Variants in AURKA observed in about 807,000 individuals in gnomAD.
AURKA encodes the protein aurora kinase A, also known as aurora 2.
AURKA carries 12 observed loss-of-function variants against 40.9 expected under a neutral mutation model. That is an observed-to-expected ratio of 0.29 (90% CI 0.19 to 0.48). The LOEUF (loss-of-function observed/expected upper bound fraction) is 0.48. AURKA is among the 20% of genes least tolerant of loss of function. The pLI is 0.99. For synonymous variants in AURKA, 170 were observed against 164.3 expected (o/e 1.03, Z -0.26); for missense variants, 322 against 462.1 (o/e 0.70, Z 2.78).
At chr20:56,386,161 C>T in intron 3 of AURKA, 96 bp downstream of exon 3, 1 of 1,529,836 alleles carries the variant, frequency 6.5e-7, no homozygotes, top group Non-Finnish European at 9.1e-7. Context: ...GATATAAAAG[C>T]TAAGGCTCCA....
chr20:56,382,880 G>C (rs6024841), intron 5 of AURKA, 105 bp downstream of exon 5: 18 of 1,256,964 alleles, frequency 1.4e-5, no homozygotes, highest in East Asian at 4.6e-5. Context: ...GCAGTGCCTC[G>C]TAAGAGGGAG....
intron 1 of AURKA, chr20:56,391,953 AAT>A (rs1987197191): frequency 8.1e-6 from 1 of 123,430 alleles, no homozygotes. Flanking sequence ...CTCTAGCTGT[AAT>A]AAGTAACAAG....
intron 6 of AURKA, among the ~76,000 whole-genome samples, chr20:56,379,432 G>A (rs1328625107): frequency 6.6e-6 from 1 of 152,178 alleles, no homozygotes; most frequent in Non-Finnish European, 1.5e-5. Context: ...TTAATGAAGA[G>A]ATAGATGGAT....
At chr20:56,370,708 A>C in intron 7 of AURKA, 49 bp from the exon 8 acceptor site, 1 of 1,601,472 alleles carries the variant, frequency 6.2e-7, no homozygotes, top group Non-Finnish European at 8.5e-7. Flanking sequence ...TTTTATGATC[A>C]CAACAGCTGC....
At chr20:56,384,844 C>T (rs1461703837) in intron 3 of AURKA, among the ~76,000 whole-genome samples, 1 of 152,206 alleles carries the variant, frequency 6.6e-6, no homozygotes, top group Non-Finnish European at 1.5e-5. Context: ...GCACAATGAA[C>T]AGTTGTGCAG....
In AURKA at chr20:56,369,815, G is replaced by C; in HGVS notation, c.*343C>G. On this transcript the variant is annotated 3_prime_UTR_variant, in exon 9 of 9. Coordinates refer to ENST00000395915, the MANE Select transcript of AURKA (RefSeq NM_198437.3). Reference sequence around the variant, plus strand: ...TCCTTAACTGATCGGGGTCAGGGCAGAGTGGTCACTTTCCCCACAGCCAGG... The same window carrying C: ...TCCTTAACTGATCGGGGTCAGGGCACAGTGGTCACTTTCCCCACAGCCAGG... 2.1e-6 allele frequency: 1 copy of C among 476,358 alleles called. No individual in the cohort carries two copies. Among genetic ancestry groups the C allele is most frequent in the Non-Finnish European group, 3.9e-6 (1 of 259,146 alleles). 29.5% of individuals were successfully genotyped at this position (476,358 alleles called of 1,614,324 possible).
Position 56,370,214 on chromosome 20 carries a change from T to C in AURKA, c.1156A>G (p.Asn386Asp). 6.2e-7 allele frequency: 1 copy of C among 1,613,878 alleles called. No homozygotes were observed. The highest frequency in any genetic ancestry group is 8.5e-7 in the Non-Finnish European group (1 of 1,180,012). Residue 386 changes from asparagine to aspartate, a missense_variant, in exon 9 of 9, where the codon AAT (asparagine) becomes GAT (aspartate). Physicochemically the swap from Asn to Asp is conservative, Grantham distance 23 (BLOSUM62 1). Transcript: ENST00000395915. ...EVLEHPWITA[N>D]SSKPSNCQNK... ...TGGCAATTTGATGGTTTTGATGAATTTGCTGTGATCCAGGGGTGTTCAAGT... is the reference window on the plus strand; with the variant it reads ...TGGCAATTTGATGGTTTTGATGAATCTGCTGTGATCCAGGGGTGTTCAAGT...
chr20:56,378,114 T>A (rs1429928761), intron 6 of AURKA, among the ~76,000 whole-genome samples: 1 of 152,098 alleles, frequency 6.6e-6, no homozygotes, highest in Non-Finnish European at 1.5e-5. Flanking sequence ...TGGGTGATCA[T>A]GCCATTGCAC....
chr20:56,384,550 A>G (rs1986125995), intron 3 of AURKA, among the ~76,000 whole-genome samples: 1 of 152,154 alleles, frequency 6.6e-6, no homozygotes, highest in African/African-American at 2.4e-5. Flanking sequence ...GAGCAGACGT[A>G]TATATAGACA....
At chr20:56,387,577 C>T (rs1240386243) in intron 2 of AURKA, among the ~76,000 whole-genome samples, 1 of 152,218 alleles carries the variant, frequency 6.6e-6, no homozygotes, top group Non-Finnish European at 1.5e-5. Context: ...TCAGCTTCAA[C>T]AGCTCATTGT....
rs984389183 is a variant in AURKA at position 56,373,238 on chromosome 20, C to T, written c.854+170G>A. On this transcript the variant is annotated intron_variant, in intron 7 of 8. Transcript: ENST00000395915. This position sits in a 1 kb window ranked among gnomAD's most constrained non-coding sequence, Gnocchi z 5.0. Reference sequence around the variant, plus strand: ...CCAAATCTCCACAGAATAACACTTTCTTGCAAACCCTAGTTTATTATTAAG... The same window carrying T: ...CCAAATCTCCACAGAATAACACTTTTTTGCAAACCCTAGTTTATTATTAAG... Among the ~76,000 whole-genome samples the T allele has an allele frequency of 6.6e-6, 1 of 152,228 alleles. No homozygotes were observed. Among genetic ancestry groups the T allele is most frequent in the Non-Finnish European group, 1.5e-5 (1 of 68,036 alleles).
Position 56,373,590 on chromosome 20 carries a change from A to C in AURKA, c.706-34T>G. 6.2e-7 allele frequency: 1 copy of C among 1,603,240 alleles called. No individual in the cohort carries two copies. The highest frequency in any genetic ancestry group is 8.5e-7 in the Non-Finnish European group (1 of 1,170,248). On this transcript the variant is annotated intron_variant, in intron 6 of 8. Coordinates refer to ENST00000395915, the MANE Select transcript of AURKA (RefSeq NM_198437.3). This position sits in a 1 kb window ranked among gnomAD's most constrained non-coding sequence, Gnocchi z 5.0. ...ACAATATTGAAAGCCTATGTTTTAG[A>C]TTTTATATAACACAAGTTAATATTA...
At chr20:56,389,827 C>G (rs1274178712) in intron 1 of AURKA, among the ~76,000 whole-genome samples, 2 of 152,312 alleles carry the variant, frequency 1.3e-5, no homozygotes, top group Non-Finnish European at 2.9e-5. Flanking sequence ...CTCTCGCAAA[C>G]CCTTCATTTA....
In AURKA at chr20:56,373,216, A is replaced by G. The variant is rs1299942115; in HGVS notation, c.854+192T>C. On this transcript the variant is annotated intron_variant, in intron 7 of 8. Coordinates refer to ENST00000395915, the MANE Select transcript of AURKA (RefSeq NM_198437.3). The surrounding 1 kb of genome is among the most constrained non-coding windows in gnomAD (Gnocchi z 5.0). Reference sequence around the variant, plus strand: ...GCCTAGAACACTGCTAATAGCCCCAAATCTCCACAGAATAACACTTTCTTG... The same window carrying G: ...GCCTAGAACACTGCTAATAGCCCCAGATCTCCACAGAATAACACTTTCTTG... Among the ~76,000 whole-genome samples the G allele has an allele frequency of 1.3e-5, 2 of 152,212 alleles. No individual in the cohort carries two copies. Among genetic ancestry groups the G allele is most frequent in the Non-Finnish European group, 2.9e-5 (2 of 68,032 alleles).
chr20:56,385,972 C>T (rs1488320123), intron 3 of AURKA, among the ~76,000 whole-genome samples: 2 of 152,160 alleles, frequency 1.3e-5, no homozygotes, highest in Non-Finnish European at 2.9e-5. Flanking sequence ...CTGCAAGCAC[C>T]CTACATCCAG....
intron 6 of AURKA, among the ~76,000 whole-genome samples, chr20:56,376,076 T>C (rs1394972106): frequency 6.6e-6 from 1 of 152,208 alleles, no homozygotes; most frequent in African/African-American, 2.4e-5. Flanking sequence ...AACAGAGAAG[T>C]AGTATAATGT....
intron 6 of AURKA, among the ~76,000 whole-genome samples, chr20:56,374,375 T>C (rs1469868497): frequency 6.6e-6 from 1 of 152,192 alleles, no homozygotes; most frequent in Non-Finnish European, 1.5e-5. Flanking sequence ...TATAGTCAAT[T>C]CCCTTTTTTA....
At chr20:56,370,394 T>C (rs978629322) in intron 8 of AURKA, 54 bp from the exon 9 acceptor site, 9 of 1,613,320 alleles carry the variant, frequency 5.6e-6, no homozygotes, top group East Asian at 4.5e-5. Flanking sequence ...AGAGATCAAA[T>C]AGTATAGATG....
intron 6 of AURKA, among the ~76,000 whole-genome samples, chr20:56,374,661 C>T (rs1468350781): frequency 6.6e-6 from 1 of 151,978 alleles, no homozygotes; most frequent in Non-Finnish European, 1.5e-5. Flanking sequence ...GTCTCAAACT[C>T]CTGGCCTCAA....
Sources: allele counts gnomAD v4.1 joint callset (sites outside exome capture counted in the v4.1 genomes callset), GRCh38; gene constraint gnomAD v4.1.1; non-coding constraint Gnocchi (gnomAD v3.1); transcripts MANE v1.5; gene names NCBI Gene and HGNC (gene_info 2026-07-23, HGNC 2026-07-21).